ULK4: variants seen among roughly 807,000 people sequenced by gnomAD.
The protein encoded by ULK4 is inactive serine/threonine-protein kinase ULK4.
In ULK4, 133 loss-of-function variants were observed where a neutral mutation model predicts 160.6. The observed-to-expected ratio is 0.83, with a 90% CI of 0.72 to 0.96. The LOEUF (loss-of-function observed/expected upper bound fraction) is 0.96. Among genes scored for constraint, ULK4 ranks in the 40% least tolerant of loss-of-function variants. ULK4 has a pLI of 0.00. For synonymous variants in ULK4, 534 were observed against 539.8 expected (o/e 0.99, Z 0.15); for missense variants, 1,580 against 1,499.5 (o/e 1.05, Z -0.89).
chr3:41,762,656 T>TTG (rs2039025292), intron 21 of ULK4, among the ~76,000 whole-genome samples: 2 of 51,340 alleles, frequency 3.9e-5, no homozygotes, highest in African/African-American at 1.4e-4. Flanking sequence ...AGTGTTACAC[T>TTG]TTTTTTTTTT....
At chr3:41,416,746 G>A (rs1435174156) in intron 34 of ULK4, among the ~76,000 whole-genome samples, 1 of 152,104 alleles carries the variant, frequency 6.6e-6, no homozygotes, top group African/African-American at 2.4e-5. Context: ...GGCCTGAAAT[G>A]CCCCATGTGA....
At chr3:41,758,560 T>A (rs2038880259) in intron 21 of ULK4, among the ~76,000 whole-genome samples, 1 of 152,138 alleles carries the variant, frequency 6.6e-6, no homozygotes, top group South Asian at 2.1e-4. Flanking sequence ...GTGAGGTTTA[T>A]CCCAGGAATC....
At chr3:41,270,576 G>C (rs1575378488) in intron 35 of ULK4, among the ~76,000 whole-genome samples, 1 of 152,288 alleles carries the variant, frequency 6.6e-6, no homozygotes, top group Admixed American at 6.5e-5. Context: ...ATCCAAGGTG[G>C]CTTTAGAGGC....
intron 17 of ULK4, among the ~76,000 whole-genome samples, chr3:41,850,571 A>T (rs1365062689): frequency 6.6e-6 from 1 of 152,158 alleles, no homozygotes; most frequent in Non-Finnish European, 1.5e-5. Flanking sequence ...AGTGATGATG[A>T]GCATTTTTTC....
intron 35 of ULK4, among the ~76,000 whole-genome samples, chr3:41,273,802 G>T (rs979730950): frequency 2.0e-5 from 3 of 152,072 alleles, no homozygotes; most frequent in African/African-American, 7.2e-5. Context: ...GACTAAATTA[G>T]TTCTCACCAG....
chr3:41,506,767 A>AAAAAAAAAAAAATATATATATAAATATAT, intron 32 of ULK4, among the ~76,000 whole-genome samples: 881 of 56,758 alleles, frequency 0.016, 163 homozygotes, highest in Non-Finnish European at 0.018. Context: ...TGTGATTTAA[A>AAAAAAAAAAAAATATATATATAAATATAT]ATATATATAT....
At position 41,850,274 on chromosome 3, in the gene ULK4, G is replaced by A. The variant is rs940764779; in HGVS notation, c.1657-14303C>T. 2.9e-4 allele frequency among the ~76,000 whole-genome samples: 44 copies of A among 152,260 alleles called. 1 individual carries two copies. The highest frequency in any genetic ancestry group is 5.2e-4 in the Admixed American group (8 of 15,290). On this transcript the variant is annotated intron_variant, in intron 17 of 36. Transcript: ENST00000301831. ...GTGAATAGTGCTGCAATAAACATAC[G>A]TGTGCATGTGTCTTTATAGCAGCAT...
rs1409722905 is a variant in ULK4, at chr3:41,496,502, G to A, written c.3227-33249C>T. 3.3e-5 allele frequency among the ~76,000 whole-genome samples: 5 copies of A among 152,146 alleles called. No homozygotes were observed. The East Asian group carries it at 9.7e-4, about 29-fold the overall frequency. On this transcript the variant is annotated intron_variant, in intron 32 of 36. Transcript: ENST00000301831. ...GGTACATGGTGACAGGGTCCAAGTA[G>A]AAGTGGGCAGTCTTACTTTGCTGAT...
At chr3:41,395,317 A>G (rs2220345) in intron 35 of ULK4, among the ~76,000 whole-genome samples, 87,800 of 151,938 alleles carry the variant, frequency 0.58, 26,834 homozygotes, top group African/African-American at 0.8. Context: ...AGCCAATCCT[A>G]ATAATAACAG....
At chr3:41,703,834 GCACACACACACACA>G (rs35693704) in intron 27 of ULK4, among the ~76,000 whole-genome samples, 236 of 129,300 alleles carry the variant, frequency 1.8e-3, no homozygotes, top group Middle Eastern at 7.3e-3. Flanking sequence ...TAATGCGCAT[GCACACACACACACA>G]CACACACACA....
At chr3:41,642,412 T>A (rs2034257162) in intron 30 of ULK4, among the ~76,000 whole-genome samples, 1 of 152,114 alleles carries the variant, frequency 6.6e-6, no homozygotes, top group Non-Finnish European at 1.5e-5. Flanking sequence ...ATTGTTCAAT[T>A]CCCACCTATG....
chr3:41,254,216 T>C (rs563830078), intron 35 of ULK4, among the ~76,000 whole-genome samples: 1 of 152,320 alleles, frequency 6.6e-6, no homozygotes, highest in East Asian at 1.9e-4. Flanking sequence ...AATCCAGGAA[T>C]ACTTACAAAT....
At chr3:41,799,218 A>G (rs1469497458) in intron 20 of ULK4, among the ~76,000 whole-genome samples, 2 of 152,138 alleles carry the variant, frequency 1.3e-5, no homozygotes, top group Admixed American at 6.5e-5. Context: ...CCCAGATGAG[A>G]TTGCTAACTC....
intron 31 of ULK4, among the ~76,000 whole-genome samples, chr3:41,596,623 T>A (rs1268761621): frequency 6.6e-6 from 1 of 152,088 alleles, no homozygotes; most frequent in Non-Finnish European, 1.5e-5. Flanking sequence ...GGACAGAAGG[T>A]GGCATTCGGA....
intron 22 of ULK4, among the ~76,000 whole-genome samples, chr3:41,733,760 A>G (rs1172505532): frequency 1.7e-5 from 2 of 119,512 alleles, no homozygotes; most frequent in East Asian, 4.8e-4. Context: ...TTTTAGACAG[A>G]GTCTCATCCT....
chr3:41,330,483 G>A (rs1485074749), intron 35 of ULK4, among the ~76,000 whole-genome samples: 1 of 152,170 alleles, frequency 6.6e-6, no homozygotes, highest in Non-Finnish European at 1.5e-5. Context: ...ATTCAGGAAT[G>A]AGGATTCAGG....
chr3:41,961,163 G>A (rs1353345552), intron 1 of ULK4, among the ~76,000 whole-genome samples: 1 of 152,156 alleles, frequency 6.6e-6, no homozygotes, highest in African/African-American at 2.4e-5. Context: ...AGGTGCAAAT[G>A]AGGCATTTAA....
chr3:41,368,148 C>G lies in ULK4; in HGVS notation c.3678+29931G>C, dbSNP rs535351849. ...CTGCAACCTCTGCCTCTGGGGTTAA[C>G]GCCATTCTCCTGCCTCAGCCTCCTG... On this transcript the variant is annotated intron_variant, in intron 35 of 36. Coordinates refer to ENST00000301831, the MANE Select transcript of ULK4 (RefSeq NM_017886.4). Among the ~76,000 whole-genome samples, 211 of 151,752 alleles carry G rather than the reference C, an allele frequency of 1.4e-3. 1 individual carries two copies. The highest frequency in any genetic ancestry group is 4.8e-3 in the African/African-American group (200 of 41,372).
At chr3:41,271,956 A>C (rs2079144867) in intron 35 of ULK4, among the ~76,000 whole-genome samples, 1 of 151,076 alleles carries the variant, frequency 6.6e-6, no homozygotes, top group African/African-American at 2.4e-5. Flanking sequence ...TCCCTTTGTC[A>C]CCCAGGCTGG....
Sources: gnomAD v4.1 joint callset for allele counts (sites outside exome capture counted in the v4.1 genomes callset) on GRCh38, gnomAD v4.1.1 for gene constraint, MANE v1.5 for transcripts, NCBI Gene and HGNC (gene_info 2026-07-23, HGNC 2026-07-21) for gene names.